The following SLC4A7 variants were observed in gnomAD, a reference collection of about 807,000 sequenced individuals.
SLC4A7 encodes sodium bicarbonate cotransporter 3.
SLC4A7 carries 51 observed loss-of-function variants against 137.6 expected under a neutral mutation model. That is an observed-to-expected ratio of 0.37 (90% CI 0.30 to 0.47). The LOEUF is 0.47. Among genes scored for constraint, SLC4A7 ranks in the 20% least tolerant of loss-of-function variants. The pLI is 1.00. For missense variants in SLC4A7, 1,247 were observed against 1,525.4 expected (o/e 0.82, Z 3.04); for synonymous variants, 542 against 518.6 (o/e 1.05, Z -0.61).
chr3:27,469,818 T>A (rs1325923564), intron 1 of SLC4A7, among the ~76,000 whole-genome samples: 1 of 152,216 alleles, frequency 6.6e-6, no homozygotes, highest in African/African-American at 2.4e-5. Context: ...AAGATGATGA[T>A]ACAGTTGATA....
At chr3:27,385,344 C>T (rs2050828879) in intron 23 of SLC4A7, among the ~76,000 whole-genome samples, 1 of 152,016 alleles carries the variant, frequency 6.6e-6, no homozygotes, top group Non-Finnish European at 1.5e-5. Context: ...TCTCAGCATA[C>T]AAATCAACTA....
chr3:27,376,768 A>G lies in SLC4A7; in HGVS notation c.3776T>C (p.Leu1259Ser). ...RKKYVDAETSL is the reference protein window; with the variant it reads ...RKKYVDAETSS ...ATAATGCCTCTTGGTTCAATTCTAT[A>G]ATGAAGTTTCAGCATCCACGTATTT... The change falls in exon 26 of 26, where the codon TTA (leucine) becomes TCA (serine). Residue 1259 changes from leucine (L) to serine (S), a missense_variant. Leu to Ser is a moderately radical substitution (Grantham distance 145). Transcript: ENST00000454389. The G allele has an allele frequency of 6.3e-7, 1 of 1,585,590 alleles. No individual in the cohort carries two copies. The highest frequency in any genetic ancestry group is 8.6e-7 in the Non-Finnish European group (1 of 1,158,928).
At chr3:27,478,375 G>A (rs921046489) in intron 1 of SLC4A7, among the ~76,000 whole-genome samples, 10 of 150,988 alleles carry the variant, frequency 6.6e-5, no homozygotes, top group African/African-American at 1.2e-4. Context: ...AAAATTAGCC[G>A]GGCGTGGTGG....
rs201856043 is a variant in SLC4A7 at position 27,431,348 on chromosome 3, G to A, written c.1100C>T (p.Ala367Val). The change falls in exon 7 of 26, where the codon GCG becomes GTG. Residue 367 changes from alanine to valine, a missense_variant. Transcript: ENST00000454389. Reference sequence around the variant, plus strand: ...ATTCTTCTGCTCCTCGCCTTTCAGCGCTGCTTCTAAGTCTTCCTCAGGCGG... The same window carrying A: ...ATTCTTCTGCTCCTCGCCTTTCAGCACTGCTTCTAAGTCTTCCTCAGGCGG... ...IHPPEEDLEA[A>V]LKGEEQKNEE... 5.4e-5 allele frequency: 87 copies of A among 1,610,496 alleles called. No homozygotes were observed. Among genetic ancestry groups the A allele is most frequent in the Non-Finnish European group, 7.1e-5 (84 of 1,178,212 alleles).
Position 27,429,860 on chromosome 3 carries a change from C to G in SLC4A7, c.1150+1438G>C, listed in dbSNP as rs567076418. Among the ~76,000 whole-genome samples the G allele has an allele frequency of 2.8e-5, 4 of 145,252 alleles. No homozygotes were observed. The East Asian group carries it at 7.9e-4, about 29-fold the overall frequency. ...TAAGAACCTGTCTCTCCACCCCACC[C>G]GCCCAAGCAAAAAAAAAAAGCCTAA... On this transcript the variant is annotated intron_variant, in intron 7 of 25. Transcript: ENST00000454389.
At chr3:27,465,180 C>G (rs1310666395) in intron 1 of SLC4A7, among the ~76,000 whole-genome samples, 1 of 150,848 alleles carries the variant, frequency 6.6e-6, no homozygotes, top group Non-Finnish European at 1.5e-5. Flanking sequence ...TCCCAGCCAC[C>G]CGGGAGGCTG....
chr3:27,400,941 A>C, intron 15 of SLC4A7, 72 bp from the exon 16 acceptor site: 1 of 832,030 alleles, frequency 1.2e-6, no homozygotes, highest in Non-Finnish European at 2.0e-6. Flanking sequence ...AATCAATTAT[A>C]CAATGTGGTA....
intron 3 of SLC4A7, among the ~76,000 whole-genome samples, chr3:27,439,674 G>A (rs1392667140): frequency 6.6e-6 from 1 of 152,140 alleles, no homozygotes; most frequent in African/African-American, 2.4e-5. Context: ...TGCGAATAAA[G>A]ACCATTTTAC....
intron 1 of SLC4A7, among the ~76,000 whole-genome samples, chr3:27,454,071 G>A (rs2058257698): frequency 6.6e-6 from 1 of 152,180 alleles, no homozygotes; most frequent in Admixed American, 6.6e-5. Flanking sequence ...AGTACTTTGG[G>A]AGGCTGAGAT....
intron 2 of SLC4A7, among the ~76,000 whole-genome samples, chr3:27,451,606 G>T (rs2058078969): frequency 6.6e-6 from 1 of 152,044 alleles, no homozygotes. Flanking sequence ...TGAGAAACTG[G>T]TATAGATTAG....
In SLC4A7 at chr3:27,395,077, C is replaced by T; in HGVS notation, c.2742G>A (p.Leu914=). The T allele has an allele frequency of 1.2e-6, 2 of 1,607,628 alleles. No individual in the cohort carries two copies. The highest frequency in any genetic ancestry group is 1.7e-6 in the Non-Finnish European group (2 of 1,178,234). ...HPERGWIISP[L]GDNPWWTLLI... ...ATAAGGTCCACCAAGGATTATCTCC[C>T]AGTGGGCTTATGATCCACCCTCTCT... is the stretch of plus-strand genomic sequence containing the variant. The change falls in exon 19 of 26, where the codon CTG becomes CTA. Residue 914 remains leucine, a synonymous_variant. Transcript: ENST00000454389.
At chr3:27,419,324 T>A (rs1389668724) in intron 10 of SLC4A7, among the ~76,000 whole-genome samples, 3 of 151,844 alleles carry the variant, frequency 2.0e-5, no homozygotes. Context: ...ATTCCCGCAC[T>A]TTGGGAGGCC....
intron 18 of SLC4A7, among the ~76,000 whole-genome samples, chr3:27,396,436 C>T (rs767013954): frequency 1.6e-4 from 25 of 151,966 alleles, no homozygotes; most frequent in African/African-American, 5.3e-4. Context: ...AATTACATCA[C>T]GTTTTGAACC....
At chr3:27,467,748 TA>T (rs1398608702) in intron 1 of SLC4A7, among the ~76,000 whole-genome samples, 1 of 152,184 alleles carries the variant, frequency 6.6e-6, no homozygotes, top group African/African-American at 2.4e-5. Flanking sequence ...CACCAATGTA[TA>T]AGATCACCAT....
At chr3:27,482,880 T>C (rs2059774841) in intron 1 of SLC4A7, among the ~76,000 whole-genome samples, 1 of 152,252 alleles carries the variant, frequency 6.6e-6, no homozygotes. Flanking sequence ...CTTCACTGTC[T>C]GGTGACTGAG....
At chr3:27,424,711 ACTC>A (rs1399779427) in intron 7 of SLC4A7, among the ~76,000 whole-genome samples, 2 of 152,162 alleles carry the variant, frequency 1.3e-5, no homozygotes, top group Admixed American at 6.5e-5. Flanking sequence ...TATTGTCATT[ACTC>A]CTAAGAAATC....
intron 1 of SLC4A7, among the ~76,000 whole-genome samples, chr3:27,471,051 T>C (rs1006958072): frequency 7.9e-5 from 12 of 152,158 alleles, no homozygotes; most frequent in African/African-American, 2.7e-4. Context: ...CTTAGCCAAA[T>C]GGCCGGGAAG....
chr3:27,478,444 G>C (rs1355184243), intron 1 of SLC4A7, among the ~76,000 whole-genome samples: 1 of 151,116 alleles, frequency 6.6e-6, no homozygotes, highest in Non-Finnish European at 1.5e-5. Flanking sequence ...CTTGAACCCG[G>C]GGGACGGAGG....
chr3:27,456,236 T>C (rs1409225833), intron 1 of SLC4A7, among the ~76,000 whole-genome samples: 6 of 152,204 alleles, frequency 3.9e-5, no homozygotes, highest in Non-Finnish European at 8.8e-5. Flanking sequence ...CACAAATTAA[T>C]TTTTCCATTA....
Sources: gnomAD v4.1 joint callset for allele counts (sites outside exome capture counted in the v4.1 genomes callset) on GRCh38, gnomAD v4.1.1 for gene constraint, MANE v1.5 for transcripts, NCBI Gene and HGNC (gene_info 2026-07-23, HGNC 2026-07-21) for gene names.